The following VCAM1 variants were observed in gnomAD, a reference collection of about 807,000 sequenced individuals.
VCAM1 encodes vascular cell adhesion molecule 1, also known as vascular cell adhesion protein 1.
Under a neutral mutation model 63.8 loss-of-function variants are expected in VCAM1, and 41 were observed. That is an observed-to-expected ratio of 0.64 (90% confidence interval 0.50 to 0.83). The LOEUF (loss-of-function observed/expected upper bound fraction) is 0.83, where lower values mean the gene tolerates loss of function less well. Among genes scored for constraint, VCAM1 ranks in the 40% least tolerant of loss-of-function variants. The pLI, the probability that VCAM1 is intolerant of heterozygous loss-of-function variation, is 0.00. For synonymous variants in VCAM1, 338 were observed against 320.7 expected, an observed-to-expected ratio of 1.05 and a Z score of -0.58; for missense variants, 798 against 875.5, an observed-to-expected ratio of 0.91 and a Z score of 1.12.
rs1660444874 is a variant in VCAM1 at position 100,731,287 on chromosome 1, C to CT, written c.1294_1295insT (p.Pro432LeufsTer3). 6.2e-7 allele frequency: 1 copy of CT among 1,613,618 alleles called. No individual in the cohort carries two copies. Among genetic ancestry groups the CT allele is most frequent in the Non-Finnish European group, 8.5e-7 (1 of 1,179,850 alleles). ...AAGCTGCAAGGTTCCTAGCGTGTAC[C>CT]CCCTTGACCGGCTGGAGATTGAATT... is the stretch of plus-strand genomic sequence containing the variant. On this transcript the variant is annotated frameshift_variant, in exon 6 of 9. Coordinates refer to ENST00000294728, the MANE Select transcript of VCAM1 (RefSeq NM_001078.4). LOFTEE classifies it high-confidence loss of function. This position sits in a 1 kb window ranked among gnomAD's most constrained non-coding sequence, Gnocchi z 4.2.
rs750966150 is a variant in VCAM1, at chr1:100,731,619, G to GA, written c.1525+107dup. On this transcript the variant is annotated intron_variant, in intron 6 of 8. Coordinates refer to ENST00000294728, the MANE Select transcript of VCAM1 (RefSeq NM_001078.4). The surrounding 1 kb of genome is among the most constrained non-coding windows in gnomAD (Gnocchi z 4.2). Reference sequence around the variant, plus strand: ...GGTTAATCGTTAAAACCTCTGTGGAGAAAAAACGTTACTGAAAAGAAATTT... The same window carrying GA: ...GGTTAATCGTTAAAACCTCTGTGGAGAAAAAAACGTTACTGAAAAGAAATTT... 353 of 1,121,020 alleles carry GA rather than the reference G, an allele frequency of 3.1e-4. No individual in the cohort carries two copies. Among genetic ancestry groups the GA allele is most frequent in the Non-Finnish European group, 3.9e-4 (315 of 804,740 alleles). The allele number at this position is 1,121,020 out of a possible 1,614,324, so 69.4% of individuals were successfully genotyped here. A position where few individuals can be genotyped will look rare whatever the true frequency, so the allele number is the denominator to read the frequency against.
rs1571455508 is a variant in VCAM1, at chr1:100,724,994, T to C, written c.928+104T>C. 7.8e-6 allele frequency: 11 copies of C among 1,404,106 alleles called. No homozygotes were observed. The East Asian group carries it at 1.7e-4, about 21-fold the overall frequency. The allele number at this position is 1,404,106 out of a possible 1,614,324, so 87.0% of individuals were successfully genotyped here. On this transcript the variant is annotated intron_variant, in intron 4 of 8. Coordinates refer to ENST00000294728, the MANE Select transcript of VCAM1 (RefSeq NM_001078.4). The stretch of plus-strand genomic sequence containing the variant: ...AAATTGCTTCCCTTAGTTTCACTGA[T>C]GACCTATCTGATTGCCATATCCTTT...
chr1:100,721,419 A>C (rs1456035517), intron 2 of VCAM1, among the ~76,000 whole-genome samples: 2 of 151,996 alleles, frequency 1.3e-5, no homozygotes, highest in Non-Finnish European at 2.9e-5. Flanking sequence ...TCCCTAGTTT[A>C]CCAGCCTGAC....
intron 5 of VCAM1, among the ~76,000 whole-genome samples, chr1:100,729,657 G>T (rs1487799908): frequency 6.6e-6 from 1 of 152,106 alleles, no homozygotes; most frequent in Non-Finnish European, 1.5e-5. Flanking sequence ...CATGCTGGAG[G>T]TGAGTGCATT....
chr1:100,734,919 A>G (rs1184226629), intron 8 of VCAM1, 151 bp downstream of exon 8: 1 of 987,480 alleles, frequency 1.0e-6, no homozygotes, highest in Admixed American at 2.9e-5. Context: ...CAGCTGCTTT[A>G]TCCTATAAAG....
Position 100,738,104 on chromosome 1 carries a change from C to A in VCAM1, c.2060-19C>A, listed in dbSNP as rs1352210966. On this transcript the variant is annotated intron_variant, in intron 8 of 8. Coordinates refer to ENST00000294728, the MANE Select transcript of VCAM1 (RefSeq NM_001078.4). ...TTTTTGTACTAGACATTAATTGCAT[C>A]CATTTTGTTATTTTCCAGGAAGAGA... 6.2e-7 allele frequency: 1 copy of A among 1,610,024 alleles called. No homozygotes were observed. The highest frequency in any genetic ancestry group is 8.5e-7 in the Non-Finnish European group (1 of 1,178,334).
intron 3 of VCAM1, among the ~76,000 whole-genome samples, 187 bp downstream of exon 3, chr1:100,723,527 A>G (rs1660046226): frequency 6.6e-6 from 1 of 152,050 alleles, no homozygotes. Flanking sequence ...ATTTGGACTG[A>G]GAAGGCTTGA....
rs3917046 is a variant in VCAM1, at chr1:100,728,017, TG to T, written c.929-1083del. ...ACAAGTAAGATTTCAGTGATTTTTA[TG>T]GGGGGGTCTTATCTGTTGCTTTAAA... On this transcript the variant is annotated intron_variant, in intron 4 of 8. Coordinates refer to ENST00000294728, the MANE Select transcript of VCAM1 (RefSeq NM_001078.4). Among the ~76,000 whole-genome samples, 1,036 of 152,136 alleles carry T rather than the reference TG, an allele frequency of 6.8e-3. 14 individuals carry two copies. Among genetic ancestry groups the T allele is most frequent in the African/African-American group, 0.024 (991 of 41,538 alleles).
At position 100,731,342 on chromosome 1, in the gene VCAM1, T is replaced by C. The variant is rs536520212; in HGVS notation, c.1349T>C (p.Ile450Thr). ...LLKGETILEN[I>T]EFLEDTDMKS... ...AAGGGGGAGACTATTCTGGAGAATA[T>C]AGAGTTTTTGGAGGATACGGATATG... The change falls in exon 6 of 9, where the codon ATA (isoleucine) becomes ACA (threonine). Residue 450 changes from isoleucine (I) to threonine (T), a missense_variant. Coordinates refer to ENST00000294728, the MANE Select transcript of VCAM1 (RefSeq NM_001078.4). This position sits in a 1 kb window ranked among gnomAD's most constrained non-coding sequence, Gnocchi z 4.2. 3.1e-6 allele frequency: 5 copies of C among 1,613,780 alleles called. No individual in the cohort carries two copies. The African/African-American group carries it at 5.3e-5, about 17-fold the overall frequency.
rs148280495 is a variant in VCAM1 at position 100,719,891 on chromosome 1, G to A, written c.31G>A (p.Ala11Thr). The stretch of plus-strand genomic sequence containing the variant: ...TGGGAAGATGGTCGTGATCCTTGGA[G>A]CCTCAAATATACTTTGGATAATGTT... MPGKMVVILG[A>T]SNILWIMFAA... The change falls in exon 1 of 9, where the codon GCC (alanine) becomes ACC (threonine). Residue 11 changes from alanine to threonine, a missense_variant. Ala to Thr is a moderately conservative substitution (Grantham distance 58). Coordinates refer to ENST00000294728, the MANE Select transcript of VCAM1 (RefSeq NM_001078.4). 119 of 1,611,894 alleles carry A rather than the reference G, an allele frequency of 7.4e-5. No individual in the cohort carries two copies. The African/African-American group carries it at 1.4e-3, about 19-fold the overall frequency.
Position 100,720,592 on chromosome 1 carries a change from A to T in VCAM1, c.181A>T (p.Thr61Ser). The T allele has an allele frequency of 6.2e-7, 1 of 1,613,156 alleles. No individual in the cohort carries two copies. The highest frequency in any genetic ancestry group is 8.5e-7 in the Non-Finnish European group (1 of 1,179,480). ...TGAGTCCCCATTTTTCTCTTGGAGA[A>T]CCCAGATAGATAGTCCACTGAATGG... is the stretch of plus-strand genomic sequence containing the variant. Reference protein sequence around the residue: ...GCESPFFSWRTQIDSPLNGKV... With the variant: ...GCESPFFSWRSQIDSPLNGKV... Residue 61 changes from threonine to serine, a missense_variant, in exon 2 of 9, where the codon ACC becomes TCC. Transcript: ENST00000294728.
chr1:100,730,613 G>A (rs1255677168), intron 5 of VCAM1, among the ~76,000 whole-genome samples: 1 of 152,084 alleles, frequency 6.6e-6, no homozygotes, highest in African/African-American at 2.4e-5. Context: ...GATACTGAGA[G>A]ACTGCACAGC....
chr1:100,722,488 G>T (rs1476215745), intron 2 of VCAM1, among the ~76,000 whole-genome samples: 1 of 152,012 alleles, frequency 6.6e-6, no homozygotes, highest in African/African-American at 2.4e-5. Flanking sequence ...AAATATATCT[G>T]CCCTGACTAT....
rs747528960 is a variant in VCAM1 at position 100,731,280 on chromosome 1, C to A, written c.1287C>A (p.Ser429Arg). 5.0e-6 allele frequency: 8 copies of A among 1,613,768 alleles called. No individual in the cohort carries two copies. The South Asian group carries it at 8.8e-5, about 18-fold the overall frequency. Residue 429 changes from serine to arginine, a missense_variant, in exon 6 of 9, where the codon AGC becomes AGA. Ser to Arg is a moderately radical substitution (Grantham distance 110). Transcript: ENST00000294728. The surrounding 1 kb of genome is among the most constrained non-coding windows in gnomAD (Gnocchi z 4.2). ...TCACTGTAAGCTGCAAGGTTCCTAGCGTGTACCCCCTTGACCGGCTGGAGA... is the reference window on the plus strand; with the variant it reads ...TCACTGTAAGCTGCAAGGTTCCTAGAGTGTACCCCCTTGACCGGCTGGAGA... ...SSVTVSCKVP[S>R]VYPLDRLEIE...
chr1:100,730,867 A>C (rs908099141), intron 5 of VCAM1, among the ~76,000 whole-genome samples: 1 of 152,174 alleles, frequency 6.6e-6, no homozygotes, highest in Non-Finnish European at 1.5e-5. Flanking sequence ...TGTGAAATAT[A>C]TACTTACTAA....
Position 100,734,657 on chromosome 1 carries a change from G to A in VCAM1, c.1948G>A (p.Asp650Asn), listed in dbSNP as rs746155083. 1.4e-5 allele frequency: 23 copies of A among 1,613,872 alleles called. No individual in the cohort carries two copies. The highest frequency in any genetic ancestry group is 3.3e-5 in the Admixed American group (2 of 59,974). The change falls in exon 8 of 9, where the codon GAT (aspartate) becomes AAT (asparagine). Residue 650 changes from aspartate to asparagine, a missense_variant. Coordinates refer to ENST00000294728, the MANE Select transcript of VCAM1 (RefSeq NM_001078.4). ...ETGDTVLKSI[D>N]GAYTIRKAQL... The stretch of plus-strand genomic sequence containing the variant: ...AGGAGACACAGTACTAAAATCTATA[G>A]ATGGCGCCTATACCATCCGAAAGGC...
intron 2 of VCAM1, 58 bp from the exon 3 acceptor site, chr1:100,722,962 A>G: frequency 6.6e-7 from 1 of 1,516,248 alleles, no homozygotes; most frequent in Non-Finnish European, 8.8e-7. Flanking sequence ...TAAAGTGGTA[A>G]GAGACCTTAT....
intron 3 of VCAM1, 94 bp downstream of exon 3, chr1:100,723,434 A>C: frequency 8.0e-7 from 1 of 1,248,618 alleles, no homozygotes; most frequent in South Asian, 1.6e-5. Flanking sequence ...AAAAAAAAAA[A>C]CTTGTATATA....
intron 5 of VCAM1, 58 bp downstream of exon 5, chr1:100,729,440 A>G: frequency 1.3e-6 from 2 of 1,502,180 alleles, no homozygotes; most frequent in Non-Finnish European, 1.8e-6. Context: ...TGGAAGAAAA[A>G]GAATGCAAGT....
Sources: allele counts gnomAD v4.1 joint callset (sites outside exome capture counted in the v4.1 genomes callset), GRCh38; gene constraint gnomAD v4.1.1; non-coding constraint Gnocchi (gnomAD v3.1); transcripts MANE v1.5; gene names NCBI Gene and HGNC (gene_info 2026-07-23, HGNC 2026-07-21).